The following FRY variants were observed in gnomAD, a reference collection of about 807,000 sequenced individuals.
FRY encodes the protein FRY microtubule binding protein.
FRY carries 128 observed loss-of-function variants against 348.4 expected under a neutral mutation model. The ratio of observed to expected loss-of-function variants is 0.37; its 90% CI spans 0.32 to 0.43. The LOEUF (loss-of-function observed/expected upper bound fraction) is 0.43. FRY is among the 20% of genes least tolerant of loss of function. The pLI is 1.00. For missense variants in FRY, 2,736 were observed against 3,695.2 expected, an observed-to-expected ratio of 0.74 and a Z score of 6.73; for synonymous variants, 1,370 against 1,374.7, an observed-to-expected ratio of 1.00 and a Z score of 0.08.
chr13:32,258,237 T>G (rs893222521), intron 51 of FRY, among the ~76,000 whole-genome samples: 4 of 152,238 alleles, frequency 2.6e-5, no homozygotes, highest in African/African-American at 4.8e-5. Context: ...AAGTGGAGTT[T>G]TCAAATCTGA....
intron 59 of FRY, among the ~76,000 whole-genome samples, chr13:32,291,810 G>A (rs889838200): frequency 1.3e-5 from 2 of 152,146 alleles, no homozygotes; most frequent in African/African-American, 4.8e-5. Context: ...ACTTTGAGAG[G>A]CTCAAGACTT....
At position 32,044,770 on chromosome 13, in the gene FRY, A is replaced by G. The variant is rs141908025; in HGVS notation, c.70+12905A>G. 2.3e-3 allele frequency among the ~76,000 whole-genome samples: 348 copies of G among 152,330 alleles called. 1 individual carries two copies. Among genetic ancestry groups the G allele is most frequent in the Non-Finnish European group, 3.5e-3 (238 of 68,034 alleles). On this transcript the variant is annotated intron_variant, in intron 1 of 60. Coordinates refer to ENST00000542859, the MANE Select transcript of FRY (RefSeq NM_023037.3). ...TTCTTCCTGGAAATAAGAGAAATGC[A>G]TCTTTTGCCACCCTGATAGACTTGC...
At position 32,078,829 on chromosome 13, in the gene FRY, T is replaced by C. The variant is rs778591414; in HGVS notation, c.71-5T>C. ...GCCAGTAAGAATGCCCATTCTGTTT[T>C]TCAGCTTCTCCCGTTGGCAACGGTT... is the stretch of plus-strand genomic sequence containing the variant. On this transcript the variant is annotated splice_polypyrimidine_tract_variant and splice_region_variant and intron_variant, in intron 1 of 60. Coordinates refer to ENST00000542859, the MANE Select transcript of FRY (RefSeq NM_023037.3). 1.2e-6 allele frequency: 2 copies of C among 1,612,404 alleles called. No homozygotes were observed. Among genetic ancestry groups the C allele is most frequent in the South Asian group, 2.2e-5 (2 of 91,060 alleles).
chr13:32,274,975 T>C lies in FRY; in HGVS notation c.8270T>C (p.Phe2757Ser), dbSNP rs1888447775. The C allele has an allele frequency of 6.2e-7, 1 of 1,613,828 alleles. No homozygotes were observed. The highest frequency in any genetic ancestry group is 8.5e-7 in the Non-Finnish European group (1 of 1,179,920). ...LTSCSECPTL[F>S]VDAETLLSCG... is the part of the protein sequence containing the mutation. ...TCCTGCTCTGAATGTCCTACACTTT[T>C]TGTGGATGCCGAGACTGTGAGTATC... is the stretch of plus-strand genomic sequence containing the variant. The change falls in exon 56 of 61, where the codon TTT becomes TCT. Residue 2757 changes from phenylalanine to serine, a missense_variant. Coordinates refer to ENST00000542859, the MANE Select transcript of FRY (RefSeq NM_023037.3).
chr13:32,204,906 G>A (rs1884263832), intron 31 of FRY, among the ~76,000 whole-genome samples: 1 of 152,154 alleles, frequency 6.6e-6, no homozygotes. Flanking sequence ...TAGCAGAAAA[G>A]ATAGATATGC....
At chr13:32,218,641 G>A (rs552579205) in intron 35 of FRY, 108 bp from the exon 36 acceptor site, 23 of 678,856 alleles carry the variant, frequency 3.4e-5, no homozygotes, top group East Asian at 1.1e-4. Flanking sequence ...ATCGCACCAC[G>A]GTAGTGCAGC....
chr13:32,246,257 C>T (rs1886789987), intron 47 of FRY, among the ~76,000 whole-genome samples: 2 of 151,704 alleles, frequency 1.3e-5, no homozygotes, highest in South Asian at 4.2e-4. Context: ...ATTTCATGTG[C>T]TTTGACTGCA....
At position 32,078,817 on chromosome 13, in the gene FRY, C is replaced by T; in HGVS notation, c.71-17C>T. On this transcript the variant is annotated splice_polypyrimidine_tract_variant and intron_variant, in intron 1 of 60. Coordinates refer to ENST00000542859, the MANE Select transcript of FRY (RefSeq NM_023037.3). ...ACATTATTATCAGCCAGTAAGAATG[C>T]CCATTCTGTTTTTCAGCTTCTCCCG... 6.3e-7 allele frequency: 1 copy of T among 1,592,734 alleles called. No homozygotes were observed. The highest frequency in any genetic ancestry group is 8.6e-7 in the Non-Finnish European group (1 of 1,160,846).
At chr13:32,102,044 T>C in intron 3 of FRY, 28 bp downstream of exon 3, 1 of 1,298,464 alleles carries the variant, frequency 7.7e-7, no homozygotes, top group Non-Finnish European at 1.1e-6. Context: ...TATATACTAG[T>C]TTTCCTTTAT....
chr13:32,246,524 C>G (rs1170958246), intron 47 of FRY, among the ~76,000 whole-genome samples: 1 of 152,332 alleles, frequency 6.6e-6, no homozygotes, highest in East Asian at 1.9e-4. Context: ...CAGCAGCAGC[C>G]TGGGGGAGAT....
chr13:32,199,662 T>C (rs1379538428), intron 29 of FRY, among the ~76,000 whole-genome samples: 6 of 152,228 alleles, frequency 3.9e-5, no homozygotes, highest in African/African-American at 1.4e-4. Context: ...GAGTGAACCA[T>C]CTTCAGGGCG....
intron 42 of FRY, 50 bp from the exon 43 acceptor site, chr13:32,236,028 T>C: frequency 8.4e-7 from 1 of 1,188,268 alleles, no homozygotes; most frequent in African/African-American, 1.5e-5. Context: ...TCTTAGGAAA[T>C]TAACAATGGT....
At chr13:32,255,202 C>T (rs937276821) in intron 51 of FRY, among the ~76,000 whole-genome samples, 1 of 152,042 alleles carries the variant, frequency 6.6e-6, no homozygotes. Context: ...GTGCCTCGTT[C>T]GGAACCGGGC....
rs751079301 is a variant in FRY, at chr13:32,237,483, C to T, written c.5915C>T (p.Thr1972Ile). 6.2e-7 allele frequency: 1 copy of T among 1,614,178 alleles called. No individual in the cohort carries two copies. Among genetic ancestry groups the T allele is most frequent in the East Asian group, 2.2e-5 (1 of 44,880 alleles). ...NPGTTSGNTA[T>I]AERSRHQRSF... ...GGAACCACCAGCGGCAACACCGCAA[C>T]TGCCGAACGGAGCCGGCATCAACGA... The change falls in exon 44 of 61, where the codon ACT (threonine) becomes ATT (isoleucine). Residue 1972 changes from threonine to isoleucine, a missense_variant. Transcript: ENST00000542859. This position sits in a 1 kb window ranked among gnomAD's most constrained non-coding sequence, Gnocchi z 6.3.
chr13:32,102,012 A>G lies in FRY; in HGVS notation c.320A>G (p.Asp107Gly). ...CAACGTGGAGAAGACCCCCAATTTG[A>G]TCAGGTATGTGATATATATGTTATA... ...SLQRGEDPQF[D>G]QVISSMSSLS... The change falls in exon 3 of 61, where the codon GAT becomes GGT. Residue 107 changes from aspartate to glycine, a missense_variant. By Grantham distance (94) the Asp-to-Gly change is moderately conservative. Coordinates refer to ENST00000542859, the MANE Select transcript of FRY (RefSeq NM_023037.3). 6.5e-7 allele frequency: 1 copy of G among 1,531,864 alleles called. No homozygotes were observed. The highest frequency in any genetic ancestry group is 9.0e-7 in the Non-Finnish European group (1 of 1,104,996). The allele number at this position is 1,531,864 out of a possible 1,614,324, so 94.9% of individuals were successfully genotyped here.
intron 55 of FRY, among the ~76,000 whole-genome samples, chr13:32,272,761 A>G (rs1371870080): frequency 6.6e-6 from 1 of 152,068 alleles, no homozygotes; most frequent in Non-Finnish European, 1.5e-5. Flanking sequence ...TTTGAGACGG[A>G]GTCTTTCTCT....
In FRY at chr13:32,295,232, C is replaced by G. The variant is rs1411836938; in HGVS notation, c.8814C>G (p.Ser2938Arg). The G allele has an allele frequency of 3.7e-6, 6 of 1,613,638 alleles. No homozygotes were observed. The highest frequency in any genetic ancestry group is 5.1e-6 in the Non-Finnish European group (6 of 1,179,726). Residue 2938 changes from serine (S) to arginine (R), a missense_variant, in exon 61 of 61, where the codon AGC becomes AGG. Physicochemically the swap from Ser to Arg is moderately radical, Grantham distance 110 (BLOSUM62 -1). This residue lies in a region of FRY where 157 missense variants were observed against 215.2 expected (regional missense o/e 0.73). Coordinates refer to ENST00000542859, the MANE Select transcript of FRY (RefSeq NM_023037.3). ...TGTGGCCCAATGACATCTTTGGAAGCAGTTCTGATGATGAGGTCCAGACAC... is the reference window on the plus strand; with the variant it reads ...TGTGGCCCAATGACATCTTTGGAAGGAGTTCTGATGATGAGGTCCAGACAC... The part of the protein sequence containing the change: ...RSLWPNDIFG[S>R]SSDDEVQTLL...
chr13:32,268,501 AAAAAATATATATATATAT>A (rs1333921019), intron 55 of FRY, among the ~76,000 whole-genome samples: 1 of 17,082 alleles, frequency 5.9e-5, no homozygotes, highest in African/African-American at 1.4e-4. Context: ...AAAAAAAAAA[AAAAAATATATATATATAT>A]ATATATATAT....
intron 1 of FRY, among the ~76,000 whole-genome samples, chr13:32,051,395 A>G (rs183455086): frequency 4.6e-5 from 7 of 152,142 alleles, no homozygotes; most frequent in African/African-American, 1.7e-4. Context: ...TTAAAGAGCT[A>G]CCTACCGGAA....
Sources: allele counts gnomAD v4.1 joint callset (sites outside exome capture counted in the v4.1 genomes callset), GRCh38; gene constraint gnomAD v4.1.1; regional missense constraint gnomAD v4.1.1; non-coding constraint Gnocchi (gnomAD v3.1); transcripts MANE v1.5; gene names NCBI Gene and HGNC (gene_info 2026-07-23, HGNC 2026-07-21).